GSE1: variants seen among roughly 807,000 people sequenced by gnomAD.
The protein encoded by GSE1 is genetic suppressor element 1.
In GSE1, 32 loss-of-function variants were observed where a neutral mutation model predicts 112.6. The observed-to-expected ratio is 0.28, with a 90% CI of 0.21 to 0.38. GSE1 has a LOEUF of 0.38. Ranked by LOEUF, GSE1 falls within the 10% of genes least tolerant of loss-of-function variation. GSE1 has a pLI of 1.00. For missense variants in GSE1, 2,348 were observed against 1,699.2 expected (o/e 1.38, Z -6.71); for synonymous variants, 1,115 against 735.6 (o/e 1.52, Z -8.35).
At chr16:85,302,454 C>CCT (rs1163802577) in intron 1 of GSE1, among the ~76,000 whole-genome samples, 1 of 151,910 alleles carries the variant, frequency 6.6e-6, no homozygotes, top group African/African-American at 2.4e-5. Context: ...CACCGCCCCC[C>CCT]CCCGCCCCCA....
intron 2 of GSE1, among the ~76,000 whole-genome samples, chr16:85,485,064 C>A (rs1449984839): frequency 6.6e-6 from 1 of 152,238 alleles, no homozygotes; most frequent in African/African-American, 2.4e-5. Flanking sequence ...TACCCGTTGT[C>A]CAGATGGTGC....
chr16:85,314,743 T>C (rs1436398762), intron 1 of GSE1, among the ~76,000 whole-genome samples: 1 of 152,186 alleles, frequency 6.6e-6, no homozygotes, highest in Non-Finnish European at 1.5e-5. Context: ...TTCCCCAGGC[T>C]TGTTTTCTCC....
intron 3 of GSE1, 97 bp from the exon 4 acceptor site, chr16:85,654,181 A>G (rs1425482428): frequency 1.3e-5 from 15 of 1,128,624 alleles, no homozygotes; most frequent in Non-Finnish European, 1.8e-5. Flanking sequence ...CATGAACTAA[A>G]TCTAGCGCCT....
At position 85,331,365 on chromosome 16, in the gene GSE1, GTA is replaced by G. The variant is rs1169859492; in HGVS notation, c.2284-26092_2284-26091del. ...TGTGTGTGTGTGTGTGTGTGTGTGT[GTA>G]TATATGTATATATATGTATATATAT... On this transcript the variant is annotated intron_variant, in intron 1 of 2. Coordinates refer to the GSE1 transcript ENST00000637419. 9.0e-4 allele frequency among the ~76,000 whole-genome samples: 91 copies of G among 101,140 alleles called. 5 individuals are homozygous for G. The highest frequency in any genetic ancestry group is 2.2e-3 in the African/African-American group (65 of 29,518). The allele number at this position is 101,140 out of a possible 152,430, so 66.4% of individuals were successfully genotyped here.
chr16:85,652,921 C>T (rs1000598120), intron 3 of GSE1, among the ~76,000 whole-genome samples: 1 of 151,848 alleles, frequency 6.6e-6, no homozygotes, highest in Non-Finnish European at 1.5e-5. Flanking sequence ...GCCCGCTGAT[C>T]AGCAGTCGTT....
chr16:85,177,893 G>A (rs999133663), intron 1 of GSE1, among the ~76,000 whole-genome samples: 6 of 152,156 alleles, frequency 3.9e-5, no homozygotes, highest in Non-Finnish European at 5.9e-5. Flanking sequence ...CTGCAGTCCT[G>A]CCTCCCGTCC....
At chr16:85,280,918 C>A (rs1404069234) in intron 1 of GSE1, among the ~76,000 whole-genome samples, 1 of 152,144 alleles carries the variant, frequency 6.6e-6, no homozygotes, top group Non-Finnish European at 1.5e-5. Flanking sequence ...GGTCCTCGGG[C>A]TGAATTGGAA....
chr16:85,556,333 G>C (rs2045209002), exon 1 of GSE1: 1 of 984,768 alleles, frequency 1.0e-6, no homozygotes, highest in African/African-American at 1.7e-5. Flanking sequence ...AACCATGTTT[G>C]GATTGAAGCC....
chr16:85,366,010 G>T (rs566676992), intron 2 of GSE1, among the ~76,000 whole-genome samples: 7 of 152,352 alleles, frequency 4.6e-5, no homozygotes, highest in African/African-American at 1.4e-4. Context: ...GCCTGCCCTG[G>T]CAGCGACAGA....
At chr16:85,521,216 G>T (rs1205228657) in intron 2 of GSE1, among the ~76,000 whole-genome samples, 1 of 152,196 alleles carries the variant, frequency 6.6e-6, no homozygotes, top group East Asian at 1.9e-4. Context: ...AGAGATCAGA[G>T]GCACTGGCGC....
chr16:85,551,956 C>T (rs570076580), upstream of GSE1, among the ~76,000 whole-genome samples: 1 of 152,242 alleles, frequency 6.6e-6, no homozygotes, highest in Non-Finnish European at 1.5e-5. Flanking sequence ...GTCTGGCCTA[C>T]CCACCGCCAG....
At chr16:85,309,416 C>T (rs189646155) in intron 1 of GSE1, among the ~76,000 whole-genome samples, 1 of 152,042 alleles carries the variant, frequency 6.6e-6, no homozygotes, top group Non-Finnish European at 1.5e-5. Context: ...ATCGCTTGAA[C>T]CCAGGAGTTT....
chr16:85,331,447 ATATGTATATATATG>A (rs1442615815), intron 1 of GSE1, among the ~76,000 whole-genome samples: 2 of 144,780 alleles, frequency 1.4e-5, no homozygotes, highest in Admixed American at 7.1e-5. Context: ...ATATGCGTAT[ATATGTATATATATG>A]TGTGTATATA....
At chr16:85,289,888 C>G (rs1032994579) in intron 1 of GSE1, among the ~76,000 whole-genome samples, 42 of 152,264 alleles carry the variant, frequency 2.8e-4, no homozygotes, top group African/African-American at 9.6e-4. Context: ...CCTGGTAGAG[C>G]TTCTGAGCAT....
chr16:85,349,949 A>C (rs1476849371), intron 1 of GSE1, among the ~76,000 whole-genome samples: 1 of 152,160 alleles, frequency 6.6e-6, no homozygotes, highest in Admixed American at 6.5e-5. Flanking sequence ...CTGAGCACCT[A>C]CTGTGCCCTG....
At position 85,670,973 on chromosome 16, in the gene GSE1, TCACCATCTC is replaced by T; in HGVS notation, c.3416-20_3416-12del. ...CGGGCTCCTGCATACGGAAAATACATCACCATCTCCTGTCTTTTCAGAGCAAAATCTGGA... is the reference window on the plus strand; with the variant it reads ...CGGGCTCCTGCATACGGAAAATACATCTGTCTTTTCAGAGCAAAATCTGGA... On this transcript the variant is annotated splice_polypyrimidine_tract_variant and intron_variant, in intron 14 of 15. Transcript: ENST00000253458. 6.8e-7 allele frequency: 1 copy of T among 1,470,240 alleles called. No homozygotes were observed. Among genetic ancestry groups the T allele is most frequent in the East Asian group, 2.3e-5 (1 of 44,094 alleles). 91.1% of individuals were successfully genotyped at this position (1,470,240 alleles called of 1,614,324 possible).
chr16:85,478,883 CTTTCTTTCTTTCTTTCTT>C lies in GSE1; in HGVS notation c.2464+121242_2464+121259del, dbSNP rs2050559299. 6.3e-5 allele frequency among the ~76,000 whole-genome samples: 4 copies of C among 63,076 alleles called. No individual in the cohort carries two copies. In the South Asian group the frequency reaches 1.9e-3, roughly 30 times the overall value. The allele number at this position is 63,076 out of a possible 152,430, so 41.4% of individuals were successfully genotyped here. A position where few individuals can be genotyped will look rare whatever the true frequency, so the allele number is the denominator to read the frequency against. ...TCTTTCTTTCTTTCTTTCTTTCTTT[CTTTCTTTCTTTCTTTCTT>C]TCTTTCTTTCTTTCTTTCTTTCTTT... On this transcript the variant is annotated intron_variant, in intron 2 of 2. Coordinates refer to the GSE1 transcript ENST00000637419.
chr16:85,436,684 G>A (rs1198134262), intron 2 of GSE1, among the ~76,000 whole-genome samples: 1 of 152,238 alleles, frequency 6.6e-6, no homozygotes, highest in Non-Finnish European at 1.5e-5. Flanking sequence ...ACTGGGCAAG[G>A]CCCAAACCCC....
At chr16:85,616,916 C>T (rs1598398071) in intron 1 of GSE1, among the ~76,000 whole-genome samples, 1 of 152,258 alleles carries the variant, frequency 6.6e-6, no homozygotes, top group African/African-American at 2.4e-5. Context: ...AAAACAGGAG[C>T]GTGGCCAAAA....
Sources: allele counts gnomAD v4.1 joint callset (sites outside exome capture counted in the v4.1 genomes callset), GRCh38; gene constraint gnomAD v4.1.1; transcripts MANE v1.5; gene names NCBI Gene and HGNC (gene_info 2026-07-23, HGNC 2026-07-21).